The following VTI1A variants were observed in gnomAD, a reference collection of about 807,000 sequenced individuals.
VTI1A encodes the protein vesicle transport through interaction with t-SNAREs 1A.
Under a neutral mutation model 34.9 loss-of-function variants are expected in VTI1A, and 22 were observed. The observed-to-expected ratio is 0.63, with a 90% CI of 0.45 to 0.90. The LOEUF (loss-of-function observed/expected upper bound fraction) is 0.90. Among genes scored for constraint, VTI1A ranks in the 40% least tolerant of loss-of-function variants. The probability of loss-of-function intolerance (pLI) is 0.00; values close to 1 mark genes in which losing one functional copy is unlikely to be tolerated. For missense variants in VTI1A, 268 were observed against 275.6 expected (o/e 0.97, Z 0.20); for synonymous variants, 87 against 97.3 (o/e 0.89, Z 0.62).
intron 5 of VTI1A, among the ~76,000 whole-genome samples, chr10:112,587,380 AG>A (rs1223766310): frequency 6.6e-6 from 1 of 152,166 alleles, no homozygotes; most frequent in East Asian, 1.9e-4. Context: ...ACATAGGAGA[AG>A]GAAAGTTAAA....
chr10:112,536,944 CT>C (rs1318873122), intron 4 of VTI1A, among the ~76,000 whole-genome samples: 1 of 152,022 alleles, frequency 6.6e-6, no homozygotes, highest in Non-Finnish European at 1.5e-5. Flanking sequence ...GCATCCCTGG[CT>C]GCTAGAGCTT....
chr10:112,600,625 T>C (rs1237468227), intron 5 of VTI1A, among the ~76,000 whole-genome samples: 2 of 152,184 alleles, frequency 1.3e-5, no homozygotes, highest in African/African-American at 4.8e-5. Context: ...CACTTATCAC[T>C]AACTGACCTT....
chr10:112,574,673 A>T (rs1325003242), intron 5 of VTI1A, among the ~76,000 whole-genome samples: 1 of 152,212 alleles, frequency 6.6e-6, no homozygotes. Flanking sequence ...TAAGTGATGG[A>T]TGGAACCTAT....
intron 3 of VTI1A, among the ~76,000 whole-genome samples, chr10:112,518,577 C>CTA (rs1408734792): frequency 2.7e-4 from 28 of 103,902 alleles, no homozygotes; most frequent in South Asian, 8.8e-4. Context: ...CTCTCTCTCT[C>CTA]TCTCTCTCTC....
Position 112,649,865 on chromosome 10 carries a change from G to A in VTI1A, c.428-18353G>A, listed in dbSNP as rs565375196. On this transcript the variant is annotated intron_variant, in intron 5 of 7. Transcript: ENST00000393077. ...TTTAAACAGTAAAAATATGATATAAGAGATAAAAAATGATCCACCTGGACG... is the reference window on the plus strand; with the variant it reads ...TTTAAACAGTAAAAATATGATATAAAAGATAAAAAATGATCCACCTGGACG... Among the ~76,000 whole-genome samples the A allele has an allele frequency of 1.8e-4, 27 of 152,184 alleles. 1 individual carries two copies. The South Asian group carries it at 5.6e-3, about 32-fold the overall frequency.
intron 5 of VTI1A, among the ~76,000 whole-genome samples, chr10:112,605,829 A>G (rs932777560): frequency 2.6e-5 from 4 of 152,156 alleles, no homozygotes; most frequent in Non-Finnish European, 4.4e-5. Flanking sequence ...CCCTGTCCCT[A>G]GAAAGGACAG....
At chr10:112,707,779 G>A (rs960733144) in intron 7 of VTI1A, among the ~76,000 whole-genome samples, 1 of 152,160 alleles carries the variant, frequency 6.6e-6, no homozygotes, top group Non-Finnish European at 1.5e-5. Flanking sequence ...TAAAGTTATT[G>A]TCCTAAATTG....
chr10:112,506,295 G>A (rs748158559), intron 3 of VTI1A, among the ~76,000 whole-genome samples: 10 of 152,098 alleles, frequency 6.6e-5, no homozygotes, highest in African/African-American at 9.7e-5. Flanking sequence ...GACTGCCTTC[G>A]TATATGTGGT....
intron 7 of VTI1A, among the ~76,000 whole-genome samples, chr10:112,722,373 T>A (rs1046529466): frequency 6.0e-5 from 9 of 148,950 alleles, no homozygotes; most frequent in Non-Finnish European, 8.9e-5. Flanking sequence ...GGTGGGGGGA[T>A]GGGGGAGGGA....
chr10:112,528,224 C>T (rs958130810), intron 4 of VTI1A, among the ~76,000 whole-genome samples: 3 of 151,942 alleles, frequency 2.0e-5, no homozygotes, highest in Non-Finnish European at 4.4e-5. Flanking sequence ...TTGTATTTAC[C>T]ATCTCAAATA....
intron 7 of VTI1A, among the ~76,000 whole-genome samples, chr10:112,760,255 A>G (rs1427395249): frequency 6.6e-6 from 1 of 152,208 alleles, no homozygotes; most frequent in Admixed American, 6.5e-5. Flanking sequence ...TTCCCTGTAC[A>G]TGTATACCTT....
Position 112,543,630 on chromosome 10 carries a change from G to A in VTI1A, c.427+5300G>A, listed in dbSNP as rs543611211. ...AAAATTTTCTCCCATTCTGTAGGTT[G>A]CCTGTTCACTCTGATGATAGTTTCT... On this transcript the variant is annotated intron_variant, in intron 5 of 7. Coordinates refer to ENST00000393077, the MANE Select transcript of VTI1A (RefSeq NM_145206.4). Among the ~76,000 whole-genome samples, 3 of 152,282 alleles carry A rather than the reference G, an allele frequency of 2.0e-5. No individual in the cohort carries two copies. The East Asian group carries it at 5.8e-4, about 29-fold the overall frequency.
intron 5 of VTI1A, among the ~76,000 whole-genome samples, chr10:112,569,299 A>G (rs1355949238): frequency 6.6e-6 from 1 of 152,196 alleles, no homozygotes; most frequent in African/African-American, 2.4e-5. Flanking sequence ...TTTGATCTTC[A>G]TAATTATCTT....
intron 4 of VTI1A, among the ~76,000 whole-genome samples, chr10:112,531,103 ACGTG>A (rs1360002191): frequency 2.2e-4 from 30 of 137,344 alleles, no homozygotes; most frequent in Admixed American, 4.2e-4. Context: ...ACACACACAC[ACGTG>A]CGCACGTGCG....
chr10:112,544,868 G>A (rs1179863115), intron 5 of VTI1A, among the ~76,000 whole-genome samples: 2 of 152,148 alleles, frequency 1.3e-5, no homozygotes, highest in African/African-American at 2.4e-5. Context: ...CAGGGAGCAC[G>A]GGGCATGATT....
chr10:112,702,172 C>G (rs1033542698), intron 7 of VTI1A, among the ~76,000 whole-genome samples: 1 of 152,182 alleles, frequency 6.6e-6, no homozygotes, highest in Admixed American at 6.5e-5. Flanking sequence ...CTAATACTAT[C>G]TAACTTCGTG....
intron 7 of VTI1A, among the ~76,000 whole-genome samples, chr10:112,694,559 C>T (rs1467889828): frequency 1.3e-5 from 2 of 151,944 alleles, no homozygotes; most frequent in African/African-American, 2.4e-5. Context: ...CTCTGAATGG[C>T]AGAGTTAGTC....
At chr10:112,630,601 A>G (rs1397698509) in intron 5 of VTI1A, among the ~76,000 whole-genome samples, 1 of 152,356 alleles carries the variant, frequency 6.6e-6, no homozygotes, top group African/African-American at 2.4e-5. Flanking sequence ...TGGTGGAGTC[A>G]GGATTTGAAC....
intron 5 of VTI1A, among the ~76,000 whole-genome samples, chr10:112,651,970 T>C (rs1303430449): frequency 6.6e-6 from 1 of 152,234 alleles, no homozygotes; most frequent in African/African-American, 2.4e-5. Context: ...GATTGATCTC[T>C]TACCACTTAG....
Sources: allele counts gnomAD v4.1 joint callset (sites outside exome capture counted in the v4.1 genomes callset), GRCh38; gene constraint gnomAD v4.1.1; transcripts MANE v1.5; gene names NCBI Gene and HGNC (gene_info 2026-07-23, HGNC 2026-07-21).